Variants in ACVR1B observed in about 807,000 individuals in gnomAD.
ACVR1B encodes the protein activin A receptor type 1B, also known as activin receptor type-1B.
ACVR1B carries 15 observed loss-of-function variants against 55.6 expected under a neutral mutation model. The ratio of observed to expected loss-of-function variants is 0.27; its 90% confidence interval spans 0.18 to 0.42. ACVR1B has a LOEUF of 0.42. Among genes scored for constraint, ACVR1B ranks in the 10% least tolerant of loss-of-function variants. ACVR1B has a pLI of 1.00. For synonymous variants in ACVR1B, 247 were observed against 254.6 expected (o/e 0.97, Z 0.28); for missense variants, 359 against 670.1 (o/e 0.54, Z 5.13).
intron 4 of ACVR1B, chr12:51,982,657 C>G: frequency 6.6e-7 from 1 of 1,504,058 alleles, no homozygotes; most frequent in Non-Finnish European, 8.8e-7. Context: ...ACAGAAGATG[C>G]TATTTGTTTT....
At chr12:51,978,646 A>G (rs1192380346) in intron 3 of ACVR1B, among the ~76,000 whole-genome samples, 1 of 151,654 alleles carries the variant, frequency 6.6e-6, no homozygotes, top group East Asian at 1.9e-4. Context: ...CCTGGCTAAC[A>G]TGGTGAAACC....
chr12:51,968,492 A>G (rs1255477469), intron 1 of ACVR1B, among the ~76,000 whole-genome samples: 3 of 152,168 alleles, frequency 2.0e-5, no homozygotes, highest in Non-Finnish European at 4.4e-5. Context: ...GACTGCAACT[A>G]TATTTCCCAT....
chr12:51,994,577 G>A lies in ACVR1B; in HGVS notation c.*467G>A, dbSNP rs528685035. 9.7e-4 allele frequency: 154 copies of A among 159,426 alleles called. 3 individuals are homozygous for A. The highest frequency in any genetic ancestry group is 2.9e-4 in the Non-Finnish European group (21 of 72,252). 9.9% of individuals were successfully genotyped at this position (159,426 alleles called of 1,614,324 possible). On this transcript the variant is annotated 3_prime_UTR_variant, in exon 9 of 9. Transcript: ENST00000257963. The surrounding 1 kb of genome is among the most constrained non-coding windows in gnomAD (Gnocchi z 4.2). ...CCCCTCTCACAGGCAGCTCTGAGCC[G>A]CGCTTTCCCCTCCTCCCTGGGATGG...
At chr12:51,986,068 C>CTA (rs1942070531) in intron 6 of ACVR1B, among the ~76,000 whole-genome samples, 1 of 152,142 alleles carries the variant, frequency 6.6e-6, no homozygotes, top group African/African-American at 2.4e-5. Context: ...TTTGACATAT[C>CTA]TATAGTCAGG....
At chr12:51,989,991 G>GA (rs201008907) in intron 7 of ACVR1B, among the ~76,000 whole-genome samples, 4,756 of 146,080 alleles carry the variant, frequency 0.033, 97 homozygotes, top group Middle Eastern at 0.062. Context: ...CTCAAAAAAG[G>GA]AAAAAAAAAT....
chr12:51,996,262 C>G lies in ACVR1B; in HGVS notation c.*2152C>G, dbSNP rs565176670. ...AGGGGAGGTGTATTGTGTATGTAGC[C>G]TTAGAGCATCTCTGCCTCCAACCCA... On this transcript the variant is annotated 3_prime_UTR_variant, in exon 9 of 9. Transcript: ENST00000257963. 2.0e-5 allele frequency: 3 copies of G among 152,748 alleles called. No individual in the cohort carries two copies. The East Asian group carries it at 5.8e-4, about 29-fold the overall frequency. 9.5% of individuals were successfully genotyped at this position (152,748 alleles called of 1,614,324 possible).
At chr12:51,993,765 T>TAAAAAAAAAAAAAAAAAAAAAAAAAAAAA (rs869161100) in intron 8 of ACVR1B, among the ~76,000 whole-genome samples, 1 of 29,768 alleles carries the variant, frequency 3.4e-5, no homozygotes, top group Non-Finnish European at 6.5e-5. Flanking sequence ...AGACTCCTTC[T>TAAAAAAAAAAAAAAAAAAAAAAAAAAAAA]AAAAAAAAAA....
At position 51,991,847 on chromosome 12, in the gene ACVR1B, C is replaced by T. The variant is rs565517674; in HGVS notation, c.1262-16C>T. ...CTGCTGTTGATAACTCAGGTAGATACTTTCTTTTCTCCCAGGAGTCCATGA... is the reference window on the plus strand; with the variant it reads ...CTGCTGTTGATAACTCAGGTAGATATTTTCTTTTCTCCCAGGAGTCCATGA... On this transcript the variant is annotated splice_polypyrimidine_tract_variant and intron_variant, in intron 7 of 8. Transcript: ENST00000257963. 6.2e-7 allele frequency: 1 copy of T among 1,610,670 alleles called. No individual in the cohort carries two copies. The highest frequency in any genetic ancestry group is 8.5e-7 in the Non-Finnish European group (1 of 1,177,850).
intron 4 of ACVR1B, among the ~76,000 whole-genome samples, chr12:51,982,088 A>G (rs1423387133): frequency 6.6e-6 from 1 of 152,202 alleles, no homozygotes; most frequent in African/African-American, 2.4e-5. Context: ...CTAGCAAAGG[A>G]TGACGAGTAA....
At chr12:51,957,918 A>G (rs1036260739) in intron 1 of ACVR1B, among the ~76,000 whole-genome samples, 3 of 152,178 alleles carry the variant, frequency 2.0e-5, no homozygotes, top group African/African-American at 4.8e-5. Flanking sequence ...AAAATCATCA[A>G]TGAAAAGCAT....
At chr12:51,963,614 T>C (rs1941582881) in intron 1 of ACVR1B, among the ~76,000 whole-genome samples, 1 of 152,254 alleles carries the variant, frequency 6.6e-6, no homozygotes, top group South Asian at 2.1e-4. Flanking sequence ...ATCTATATTA[T>C]AGCACGTATC....
At chr12:51,988,008 T>G (rs1942115300) in intron 7 of ACVR1B, among the ~76,000 whole-genome samples, 1 of 152,248 alleles carries the variant, frequency 6.6e-6, no homozygotes, top group Admixed American at 6.5e-5. Flanking sequence ...TAAAAAAATC[T>G]AATCTACAAA....
rs763520082 is a variant in ACVR1B at position 51,951,765 on chromosome 12, T to C, written c.22T>C (p.Ser8Pro). 8.5e-6 allele frequency: 11 copies of C among 1,289,376 alleles called. No individual in the cohort carries two copies. The highest frequency in any genetic ancestry group is 9.9e-6 in the Non-Finnish European group (10 of 1,010,082). The allele number at this position is 1,289,376 out of a possible 1,614,324, so 79.9% of individuals were successfully genotyped here. The change falls in exon 1 of 9, where the codon TCC (serine) becomes CCC (proline). Residue 8 changes from serine (S) to proline (P), a missense_variant. Ser to Pro is a moderately conservative substitution (Grantham distance 74, BLOSUM62 -1). Transcript: ENST00000257963. MAESAGA[S>P]SFFPLVVLLL... The stretch of plus-strand genomic sequence containing the variant: ...TACTATGGCGGAGTCGGCCGGAGCC[T>C]CCTCCTTCTTCCCCCTTGTTGTCCT...
intron 1 of ACVR1B, among the ~76,000 whole-genome samples, chr12:51,969,005 T>C (rs966823014): frequency 6.6e-6 from 1 of 152,168 alleles, no homozygotes; most frequent in Non-Finnish European, 1.5e-5. Flanking sequence ...GAGGACCGCA[T>C]CAAGAAGAAC....
intron 1 of ACVR1B, among the ~76,000 whole-genome samples, chr12:51,955,683 G>A (rs758654968): frequency 1.2e-4 from 19 of 152,170 alleles, no homozygotes; most frequent in Non-Finnish European, 1.9e-4. Flanking sequence ...TTTGTCTTCA[G>A]TTCTTGTGTT....
intron 1 of ACVR1B, among the ~76,000 whole-genome samples, chr12:51,952,825 C>T (rs1383128569): frequency 3.5e-5 from 5 of 144,462 alleles, no homozygotes; most frequent in African/African-American, 1.3e-4. Context: ...CGCCCACCCT[C>T]ACACACCCCT....
At chr12:51,969,992 T>C (rs1592248969) in intron 1 of ACVR1B, among the ~76,000 whole-genome samples, 1 of 152,308 alleles carries the variant, frequency 6.6e-6, no homozygotes, top group Middle Eastern at 3.4e-3. Flanking sequence ...AAGGAATTCA[T>C]GGTGAAACCT....
chr12:51,993,920 G>C, intron 8 of ACVR1B, 65 bp from the exon 9 acceptor site: 2 of 1,592,580 alleles, frequency 1.3e-6, no homozygotes. Context: ...ATGAGTGAGA[G>C]CCTAGGGACC....
At chr12:51,952,042 G>A (rs1283689216) in intron 1 of ACVR1B, among the ~76,000 whole-genome samples, 8 of 152,062 alleles carry the variant, frequency 5.3e-5, no homozygotes, top group Admixed American at 2.0e-4. Context: ...CTCACGCCGG[G>A]CCCCTGGGGA....
Sources: gnomAD v4.1 joint callset for allele counts (sites outside exome capture counted in the v4.1 genomes callset) on GRCh38, gnomAD v4.1.1 for gene constraint, Gnocchi (gnomAD v3.1) non-coding constraint, MANE v1.5 for transcripts, NCBI Gene and HGNC (gene_info 2026-07-23, HGNC 2026-07-21) for gene names.